Variants in PLEC observed in about 807,000 individuals in gnomAD.
PLEC encodes hemidesmosomal protein 1.
A neutral mutation model predicts 392.8 loss-of-function variants in PLEC; 216 were observed. That is an observed-to-expected ratio of 0.55 (90% CI 0.49 to 0.62). PLEC has a LOEUF of 0.62. PLEC is among the 20% of genes least tolerant of loss of function. The pLI, the probability that PLEC is intolerant of heterozygous loss-of-function variation, is 0.00. For missense variants in PLEC, 6,863 were observed against 6,563.4 expected, an observed-to-expected ratio of 1.05 and a Z score of -1.58; for synonymous variants, 3,621 against 2,980.6, an observed-to-expected ratio of 1.21 and a Z score of -7.00.
intron 21 of PLEC, 26 bp from the exon 22 acceptor site, chr8:143,930,088 G>A (rs782088169): frequency 1.1e-4 from 177 of 1,605,746 alleles, no homozygotes; most frequent in African/African-American, 6.7e-4. Flanking sequence ...TACAGTCAGC[G>A]TCACCAGCGC....
chr8:143,932,540 T>G lies in PLEC; in HGVS notation c.1837A>C (p.Arg613=). The G allele has an allele frequency of 6.2e-7, 1 of 1,612,542 alleles. No individual in the cohort carries two copies. Among genetic ancestry groups the G allele is most frequent in the Non-Finnish European group, 8.5e-7 (1 of 1,179,930 alleles). Residue 613 remains arginine, a synonymous_variant, in exon 16 of 32, where the codon AGG becomes CGG. Transcript: ENST00000345136. ...KLLNSSKARL[R]SLESLHSFVA... ...AAGCTGTGCAAGCTCTCCAGGGACCTGAGGCGGGCCTTGGAGGAGTTCTGT... is the reference window on the plus strand; with the variant it reads ...AAGCTGTGCAAGCTCTCCAGGGACCGGAGGCGGGCCTTGGAGGAGTTCTGT...
chr8:143,936,482 C>A (rs1587176732), intron 5 of PLEC, among the ~76,000 whole-genome samples: 1 of 152,260 alleles, frequency 6.6e-6, no homozygotes, highest in South Asian at 2.1e-4. Flanking sequence ...GCAGGTGGGG[C>A]CTCTGGCAGC....
In PLEC at chr8:143,973,330, C is replaced by A; in HGVS notation, c.70+73G>T. 1 of 1,521,874 alleles carries A rather than the reference C, an allele frequency of 6.6e-7. No individual in the cohort carries two copies. Among genetic ancestry groups the A allele is most frequent in the Admixed American group, 2.0e-5 (1 of 50,214 alleles). 94.3% of individuals were successfully genotyped at this position (1,521,874 alleles called of 1,614,324 possible). ...CTCGGGCCGGCGATCGGGACCGCCA[C>A]CGTGGACGACAAGGTGCTCGGCGGC... is the stretch of plus-strand genomic sequence containing the variant. On this transcript the variant is annotated intron_variant, in intron 1 of 31. Coordinates refer to the PLEC transcript ENST00000356346. This position sits in a 1 kb window ranked among gnomAD's most constrained non-coding sequence, Gnocchi z 5.6.
Position 143,933,214 on chromosome 8 carries a change from G to A in PLEC, c.1401C>T (p.Gly467=), listed in dbSNP as rs782306976. 2.5e-6 allele frequency: 4 copies of A among 1,612,656 alleles called. No individual in the cohort carries two copies. The highest frequency in any genetic ancestry group is 1.7e-5 in the Admixed American group (1 of 59,994). The part of the protein sequence containing the change: ...QTLKDGRHPQ[G]EQMYRRVYRL... ...GGGCCCACCTGCGGTACATCTGCTC[G>A]CCCTGCGGGTGCCGTCCATCCTTGA... Residue 467 remains glycine (G), a synonymous_variant, in exon 13 of 32, where the codon GGC becomes GGT. Transcript: ENST00000345136.
rs1821327959 is a variant in PLEC, at chr8:143,918,443, G to A, written c.11378C>T (p.Thr3793Ile). 1 of 1,584,216 alleles carries A rather than the reference G, an allele frequency of 6.3e-7. No individual in the cohort carries two copies. Among genetic ancestry groups the A allele is most frequent in the African/African-American group, 1.3e-5 (1 of 74,468 alleles). ...FQAMKKELIP[T>I]EEALRLLDAQ... ...ATCCAGCAGCCGCAGGGCCTCCTCA[G>A]TAGGGATCAGCTCCTTCTTCATGGC... is the stretch of plus-strand genomic sequence containing the variant. Residue 3793 changes from threonine (T) to isoleucine (I), a missense_variant, in exon 32 of 32, where the codon ACT (threonine) becomes ATT (isoleucine). Transcript: ENST00000345136.
intron 1 of PLEC, among the ~76,000 whole-genome samples, chr8:143,966,386 C>T (rs576555524): frequency 6.6e-6 from 1 of 152,340 alleles, no homozygotes; most frequent in South Asian, 2.1e-4. Flanking sequence ...AGTGTCTGCA[C>T]ACGCATACCT....
Position 143,934,362 on chromosome 8 carries a change from C to T in PLEC, c.1125G>A (p.Val375=), listed in dbSNP as rs375558172. The part of the protein sequence containing the change: ...DVEKEWGKLH[V]AILEREKQLR... ...GCTGCTTCTCCCGCTCCAGGATGGC[C>T]ACGTGCAGCTTGCCCCACTCCTTCT... is the stretch of plus-strand genomic sequence containing the variant. Residue 375 remains valine, a synonymous_variant, in exon 11 of 32, where the codon GTG becomes GTA. Coordinates refer to ENST00000345136, the MANE Select transcript of PLEC (RefSeq NM_201384.3). The T allele has an allele frequency of 2.0e-5, 32 of 1,612,502 alleles. No individual in the cohort carries two copies. In the African/African-American group the frequency reaches 4.0e-4, roughly 20 times the overall value.
Position 143,932,528 on chromosome 8 carries a change from T to C in PLEC, c.1849A>G (p.Ser617Gly), listed in dbSNP as rs782324852. 4 of 1,612,466 alleles carry C rather than the reference T, an allele frequency of 2.5e-6. No individual in the cohort carries two copies. Among genetic ancestry groups the C allele is most frequent in the Non-Finnish European group, 3.4e-6 (4 of 1,179,910 alleles). ...GCGGCTGCCACAAAGCTGTGCAAGC[T>C]CTCCAGGGACCTGAGGCGGGCCTTG... ...SSKARLRSLESLHSFVAAATK... is the reference protein window; with the variant it reads ...SSKARLRSLEGLHSFVAAATK... Residue 617 changes from serine to glycine, a missense_variant, in exon 16 of 32, where the codon AGC becomes GGC. Ser to Gly is a moderately conservative substitution (Grantham distance 56). Transcript: ENST00000345136.
At chr8:143,958,529 A>G, upstream of PLEC, 1 of 369,914 alleles carries the variant, frequency 2.7e-6, no homozygotes, top group South Asian at 1.9e-5. The surrounding 1 kb of genome is among the most constrained non-coding windows in gnomAD (Gnocchi z 4.9). Context: ...TGTCTCCACC[A>G]CACCCTGGCC....
chr8:143,938,359 C>T (rs781871182), intron 2 of PLEC, 119 bp from the exon 3 acceptor site: 32 of 1,535,592 alleles, frequency 2.1e-5, no homozygotes, highest in Admixed American at 1.4e-4. Context: ...CTGAGTCTCC[C>T]GGGAGCCCAC....
chr8:143,947,910 T>C (rs1471500839), intron 1 of PLEC, among the ~76,000 whole-genome samples: 1 of 152,156 alleles, frequency 6.6e-6, no homozygotes, highest in Non-Finnish European at 1.5e-5. Context: ...TCTGTCCCTC[T>C]CTCTGGGCTG....
rs373617951 is a variant in PLEC at position 143,924,296 on chromosome 8, C to T, written c.5633G>A (p.Arg1878Gln). Residue 1878 changes from arginine to glutamine, a missense_variant, in exon 31 of 32, where the codon CGG becomes CAG. Transcript: ENST00000345136. ...TTGCGCGGCCTGCTCCTCCAGCCGC[C>T]GCCGCTGGAAGGCCTCGTCCTCCGC... is the stretch of plus-strand genomic sequence containing the variant. ...RLAEDEAFQR[R>Q]RLEEQAAQHK... is the part of the protein sequence containing the mutation. 292 of 1,594,982 alleles carry T rather than the reference C, an allele frequency of 1.8e-4. 1 individual carries two copies. Among genetic ancestry groups the T allele is most frequent in the South Asian group, 1.3e-3 (122 of 90,726 alleles).
rs140068101 is a variant in PLEC at position 143,929,395 on chromosome 8, G to T, written c.3081+19C>A. ...GATGGGGAGAGGGATGGGACTGGAT[G>T]GGGGGGGACGGCCCCTGCCTGCTGC... On this transcript the variant is annotated intron_variant, in intron 24 of 31. Coordinates refer to ENST00000345136, the MANE Select transcript of PLEC (RefSeq NM_201384.3). 3.2e-5 allele frequency: 50 copies of T among 1,556,772 alleles called. No individual in the cohort carries two copies. The highest frequency in any genetic ancestry group is 3.9e-5 in the Non-Finnish European group (45 of 1,153,482).
chr8:143,934,573 A>C, intron 10 of PLEC, 62 bp downstream of exon 10: 1 of 1,602,930 alleles, frequency 6.2e-7, no homozygotes. Flanking sequence ...TCGGCTCCGG[A>C]AGAACCTTTC....
At chr8:143,934,474 A>C in intron 10 of PLEC, 29 bp from the exon 11 acceptor site, 1 of 1,609,450 alleles carries the variant, frequency 6.2e-7, no homozygotes, top group Non-Finnish European at 8.5e-7. Flanking sequence ...CTCAGGCCCT[A>C]TAGGCAGGGG....
intron 12 of PLEC, 135 bp from the exon 13 acceptor site, chr8:143,933,486 C>T: frequency 9.7e-7 from 1 of 1,026,552 alleles, no homozygotes; most frequent in Non-Finnish European, 1.5e-6. Flanking sequence ...CCTTCCCCTT[C>T]CCTCCCTGCC....
In PLEC at chr8:143,921,586, G is replaced by A. The variant is rs782739056; in HGVS notation, c.8235C>T (p.Asn2745=). Residue 2745 remains asparagine (N), a synonymous_variant, in exon 32 of 32, where the codon AAC becomes AAT. Coordinates refer to ENST00000345136, the MANE Select transcript of PLEC (RefSeq NM_201384.3). ...ASGFLLDPVR[N]RRLTVNEAVK... ...CAGCCTCGTTGACGGTCAGCCGCCG[G>A]TTCCGCACAGGGTCCAGCAGGAAGC... 2 of 1,612,448 alleles carry A rather than the reference G, an allele frequency of 1.2e-6. No individual in the cohort carries two copies. The highest frequency in any genetic ancestry group is 1.3e-5 in the African/African-American group (1 of 74,910).
chr8:143,916,498 C>G lies in PLEC; in HGVS notation c.13323G>C (p.Lys4441Asn). 6.2e-7 allele frequency: 1 copy of G among 1,611,912 alleles called. No homozygotes were observed. Among genetic ancestry groups the G allele is most frequent in the South Asian group, 1.1e-5 (1 of 91,082 alleles). ...GCGCGTCCTTATAGGAGATCTTGAGCTTGGTCTTAGGGCAGGTGAGGTACT... is the reference window on the plus strand; with the variant it reads ...GCGCGTCCTTATAGGAGATCTTGAGGTTGGTCTTAGGGCAGGTGAGGTACT... Reference protein sequence around the residue: ...YSKYLTCPKTKLKISYKDALD... With the variant: ...YSKYLTCPKTNLKISYKDALD... The change falls in exon 32 of 32, where the codon AAG (lysine) becomes AAC (asparagine). Residue 4441 changes from lysine to asparagine, a missense_variant. Coordinates refer to ENST00000345136, the MANE Select transcript of PLEC (RefSeq NM_201384.3).
rs192451164 is a variant in PLEC, at chr8:143,971,991, G to A, written c.70+1412C>T. 2.5e-3 allele frequency among the ~76,000 whole-genome samples: 387 copies of A among 152,308 alleles called. 6 individuals are homozygous for A. Among genetic ancestry groups the A allele is most frequent in the African/African-American group, 8.6e-3 (357 of 41,532 alleles). On this transcript the variant is annotated intron_variant, in intron 1 of 31. Coordinates refer to the PLEC transcript ENST00000356346. ...ATCAGAAGTAGTTCCCACCCCAGGA[G>A]GTAGAGGAAAGACAGCCCTGGGGCC...
Sources: gnomAD v4.1 joint callset for allele counts (sites outside exome capture counted in the v4.1 genomes callset) on GRCh38, gnomAD v4.1.1 for gene constraint, Gnocchi (gnomAD v3.1) non-coding constraint, MANE v1.5 for transcripts, NCBI Gene and HGNC (gene_info 2026-07-23, HGNC 2026-07-21) for gene names.